The following PAPPA2 variants were observed in gnomAD, a reference collection of about 807,000 sequenced individuals.
PAPPA2 encodes pappalysin-2.
PAPPA2 carries 86 observed loss-of-function variants against 176.4 expected under a neutral mutation model. That is an observed-to-expected ratio of 0.49 (90% CI 0.41 to 0.58). PAPPA2 has a LOEUF of 0.58. Among genes scored for constraint, PAPPA2 ranks in the 20% least tolerant of loss-of-function variants. The probability of loss-of-function intolerance (pLI) is 0.00; values close to 1 mark genes in which losing one functional copy is unlikely to be tolerated. For missense variants in PAPPA2, 2,073 were observed against 2,256.9 expected, an observed-to-expected ratio of 0.92 and a Z score of 1.65; for synonymous variants, 809 against 852.2, an observed-to-expected ratio of 0.95 and a Z score of 0.88.
chr1:176,715,341 A>G (rs551312344), intron 12 of PAPPA2, among the ~76,000 whole-genome samples: 1 of 152,316 alleles, frequency 6.6e-6, no homozygotes, highest in Admixed American at 6.5e-5. Context: ...CACACAGGGG[A>G]AAAGCAACTG....
intron 14 of PAPPA2, among the ~76,000 whole-genome samples, chr1:176,747,223 A>G (rs1317072513): frequency 6.6e-6 from 1 of 152,244 alleles, no homozygotes; most frequent in East Asian, 1.9e-4. Context: ...GAATAATCAA[A>G]TAACAGCTGT....
chr1:176,500,676 T>C (rs1283247287), intron 1 of PAPPA2, among the ~76,000 whole-genome samples: 2 of 152,010 alleles, frequency 1.3e-5, no homozygotes, highest in Non-Finnish European at 2.9e-5. Context: ...AATTTCTAGC[T>C]AAGATTAGAG....
In PAPPA2 at chr1:176,640,236, C is replaced by T. The variant is rs1656990770; in HGVS notation, c.1992-30734C>T. ...CTTTAAGTTTTAGGGTACATGTGCA[C>T]AATGTGCAGGTTAGTCACATATGTA... On this transcript the variant is annotated intron_variant, in intron 3 of 22. Transcript: ENST00000367662. Among the ~76,000 whole-genome samples, 10 of 151,124 alleles carry T rather than the reference C, an allele frequency of 6.6e-5. No individual in the cohort carries two copies. The South Asian group carries it at 2.1e-3, about 32-fold the overall frequency.
intron 15 of PAPPA2, 42 bp from the exon 16 acceptor site, chr1:176,769,565 C>T (rs1233236573): frequency 3.1e-6 from 5 of 1,588,426 alleles, no homozygotes; most frequent in Non-Finnish European, 4.3e-6. Flanking sequence ...TCTGATACGC[C>T]TTTTAATGTG....
chr1:176,501,431 G>A (rs374611479), intron 1 of PAPPA2, among the ~76,000 whole-genome samples: 9 of 152,050 alleles, frequency 5.9e-5, no homozygotes, highest in East Asian at 1.9e-4. Context: ...CCCCATTTCC[G>A]TCCCTCAGGC....
At chr1:176,511,740 C>T (rs1648609083) in intron 1 of PAPPA2, among the ~76,000 whole-genome samples, 1 of 152,148 alleles carries the variant, frequency 6.6e-6, no homozygotes, top group Admixed American at 6.6e-5. Flanking sequence ...GCTCTCTCTG[C>T]TTTAGCTTGG....
At chr1:176,838,569 G>T (rs952822577) in intron 21 of PAPPA2, among the ~76,000 whole-genome samples, 2 of 152,198 alleles carry the variant, frequency 1.3e-5, no homozygotes, top group African/African-American at 4.8e-5. Context: ...GAACCCAAGA[G>T]CATCTATAGG....
chr1:176,506,265 G>C (rs966660323), intron 1 of PAPPA2, among the ~76,000 whole-genome samples: 8 of 151,746 alleles, frequency 5.3e-5, no homozygotes, highest in Admixed American at 3.3e-4. Flanking sequence ...TTATAGAATA[G>C]TTTGAAGTCA....
intron 1 of PAPPA2, among the ~76,000 whole-genome samples, chr1:176,516,179 C>T (rs1648898834): frequency 1.3e-5 from 2 of 152,006 alleles, no homozygotes; most frequent in African/African-American, 4.8e-5. Context: ...TTCAGATCTC[C>T]CCCAAGCTCA....
At chr1:176,512,221 CAAA>C (rs58968098) in intron 1 of PAPPA2, among the ~76,000 whole-genome samples, 6,411 of 105,786 alleles carry the variant, frequency 0.061, 207 homozygotes, top group Non-Finnish European at 0.087. Context: ...ACTAAATTTG[CAAA>C]AAAAAAAAAA....
chr1:176,494,424 G>A (rs542034037), intron 1 of PAPPA2, among the ~76,000 whole-genome samples: 2 of 152,226 alleles, frequency 1.3e-5, no homozygotes, highest in East Asian at 3.9e-4. Context: ...TAATTATATG[G>A]CCTGTGCAAA....
chr1:176,546,309 T>C (rs1214987872), intron 1 of PAPPA2, among the ~76,000 whole-genome samples: 1 of 152,160 alleles, frequency 6.6e-6, no homozygotes, highest in East Asian at 1.9e-4. Context: ...CTGGGACATT[T>C]TGGTGGTGTT....
At chr1:176,630,292 T>C in intron 3 of PAPPA2, among the ~76,000 whole-genome samples, 1 of 152,232 alleles carries the variant, frequency 6.6e-6, no homozygotes, top group East Asian at 1.9e-4. Flanking sequence ...GAAGGTGGAA[T>C]ATATGTTTAC....
intron 2 of PAPPA2, among the ~76,000 whole-genome samples, chr1:176,593,293 T>G (rs2102647552): frequency 6.6e-6 from 1 of 152,324 alleles, no homozygotes; most frequent in African/African-American, 2.4e-5. Context: ...ATTGTTGGAC[T>G]GGATTGTATA....
At chr1:176,641,535 T>C (rs1417873615) in intron 3 of PAPPA2, among the ~76,000 whole-genome samples, 1 of 151,838 alleles carries the variant, frequency 6.6e-6, no homozygotes, top group African/African-American at 2.4e-5. Context: ...CTCTGTTCTG[T>C]TCCATTGATC....
chr1:176,735,539 C>T (rs1394562546), intron 12 of PAPPA2, among the ~76,000 whole-genome samples: 1 of 151,998 alleles, frequency 6.6e-6, no homozygotes, highest in Admixed American at 6.6e-5. Context: ...TTTCTTAAGC[C>T]CAAACAGTTC....
chr1:176,794,619 G>A (rs1665342483), intron 20 of PAPPA2, among the ~76,000 whole-genome samples: 1 of 152,128 alleles, frequency 6.6e-6, no homozygotes, highest in South Asian at 2.1e-4. Context: ...AAACTGTGCT[G>A]AGAAAGGAAC....
At chr1:176,514,026 T>G (rs1472936153) in intron 1 of PAPPA2, among the ~76,000 whole-genome samples, 1 of 152,208 alleles carries the variant, frequency 6.6e-6, no homozygotes, top group Non-Finnish European at 1.5e-5. Context: ...TATGGATGAC[T>G]ATTTCAGAGA....
chr1:176,771,218 C>A, intron 17 of PAPPA2, 38 bp downstream of exon 17: 1 of 1,580,946 alleles, frequency 6.3e-7, no homozygotes, highest in Non-Finnish European at 8.7e-7. Flanking sequence ...GTTCTACCTA[C>A]CTCGCTGCTT....
Sources: gnomAD v4.1 joint callset for allele counts (sites outside exome capture counted in the v4.1 genomes callset) on GRCh38, gnomAD v4.1.1 for gene constraint, MANE v1.5 for transcripts, NCBI Gene and HGNC (gene_info 2026-07-23, HGNC 2026-07-21) for gene names.